Variants in TAPBPL observed in about 807,000 individuals in gnomAD.
The protein encoded by TAPBPL is TAP binding protein like.
Under a neutral mutation model 44.8 loss-of-function variants are expected in TAPBPL, and 32 were observed. That is an observed-to-expected ratio of 0.71 (90% CI 0.54 to 0.96). The LOEUF (loss-of-function observed/expected upper bound fraction) is 0.96. Among genes scored for constraint, TAPBPL ranks in the 40% least tolerant of loss-of-function variants. The pLI is 0.00. For missense variants in TAPBPL, 520 were observed against 586.6 expected, an observed-to-expected ratio of 0.89 and a Z score of 1.17; for synonymous variants, 230 against 240.7, an observed-to-expected ratio of 0.96 and a Z score of 0.41.
chr12:6,452,160 G>A lies in TAPBPL; in HGVS notation c.-89G>A. The A allele has an allele frequency of 2.0e-6, 3 of 1,478,678 alleles. No homozygotes were observed. Among genetic ancestry groups the A allele is most frequent in the Non-Finnish European group, 2.8e-6 (3 of 1,082,596 alleles). The allele number at this position is 1,478,678 out of a possible 1,614,324, so 91.6% of individuals were successfully genotyped here. ...GGCTGCAGGCTGCCAGGTGTGCTTG[G>A]AGAGCCCCCTTCTTCCGCCGGGCCT... is the stretch of plus-strand genomic sequence containing the variant. On this transcript the variant is annotated 5_prime_UTR_variant, in exon 1 of 7. Coordinates refer to ENST00000266556, the MANE Select transcript of TAPBPL (RefSeq NM_018009.5).
intron 6 of TAPBPL, 119 bp downstream of exon 6, chr12:6,461,057 A>G: frequency 1.3e-6 from 2 of 1,522,342 alleles, no homozygotes; most frequent in South Asian, 1.2e-5. Flanking sequence ...CACCCATCAC[A>G]GCCTCCTGCT....
At chr12:6,452,407 G>A (rs1413991201) in intron 1 of TAPBPL, 95 bp downstream of exon 1, 28 of 1,490,138 alleles carry the variant, frequency 1.9e-5, no homozygotes, top group Admixed American at 2.3e-5. Flanking sequence ...CAAAGGGGCC[G>A]GGGATGACCC....
downstream of TAPBPL, chr12:6,470,665 G>A (rs1252732289): frequency 1.7e-6 from 2 of 1,187,490 alleles, no homozygotes; most frequent in South Asian, 2.6e-5. Context: ...GTCTAGCTGC[G>A]CTGGAACTTA....
Position 6,462,245 on chromosome 12 carries a change from T to G in TAPBPL, c.*96T>G. The G allele has an allele frequency of 9.3e-7, 1 of 1,079,074 alleles. No individual in the cohort carries two copies. Among genetic ancestry groups the G allele is most frequent in the Non-Finnish European group, 1.3e-6 (1 of 755,320 alleles). 66.8% of individuals were successfully genotyped at this position (1,079,074 alleles called of 1,614,324 possible). ...AACAACAACCAAGCCAGTTTAATGGTAGGAATTTGTATTTTTTGCCTTTGT... is the reference window on the plus strand; with the variant it reads ...AACAACAACCAAGCCAGTTTAATGGGAGGAATTTGTATTTTTTGCCTTTGT... On this transcript the variant is annotated 3_prime_UTR_variant, in exon 7 of 7. Coordinates refer to ENST00000266556, the MANE Select transcript of TAPBPL (RefSeq NM_018009.5).
chr12:6,468,657 A>G (rs889601234), downstream of TAPBPL, among the ~76,000 whole-genome samples: 1 of 152,216 alleles, frequency 6.6e-6, no homozygotes, highest in Non-Finnish European at 1.5e-5. Context: ...GGTTTACTGT[A>G]CTATACACAC....
chr12:6,469,938 A>T (rs1170554778), downstream of TAPBPL, among the ~76,000 whole-genome samples: 1 of 152,204 alleles, frequency 6.6e-6, no homozygotes, highest in South Asian at 2.1e-4. Context: ...GCTTGGGATG[A>T]CAGGCCACTA....
At chr12:6,455,526 T>TAA (rs1445455113) in intron 3 of TAPBPL, among the ~76,000 whole-genome samples, 1 of 152,172 alleles carries the variant, frequency 6.6e-6, no homozygotes, top group Admixed American at 6.5e-5. Context: ...TTATCAGTGA[T>TAA]AAAATACTCC....
downstream of TAPBPL, chr12:6,470,561 C>T (rs1945747751): frequency 1.9e-6 from 3 of 1,613,882 alleles, no homozygotes; most frequent in South Asian, 3.3e-5. Context: ...AGGGTCTGTT[C>T]CTCTCCGGAG....
chr12:6,460,373 C>CTT (rs1949820228), intron 5 of TAPBPL, among the ~76,000 whole-genome samples: 1 of 152,176 alleles, frequency 6.6e-6, no homozygotes, highest in Non-Finnish European at 1.5e-5. Flanking sequence ...TCAAGTGATT[C>CTT]TCCCACCTCA....
chr12:6,463,294 G>C (rs184765010), downstream of TAPBPL: 3 of 1,264,162 alleles, frequency 2.4e-6, 1 homozygote, highest in Admixed American at 1.1e-4. The surrounding 1 kb of genome is among the most constrained non-coding windows in gnomAD (Gnocchi z 4.0). Context: ...CAATACACAA[G>C]CACACCTGAC....
downstream of TAPBPL, among the ~76,000 whole-genome samples, chr12:6,469,358 G>C (rs1945710648): frequency 6.6e-6 from 1 of 152,156 alleles, no homozygotes; most frequent in Admixed American, 6.5e-5. Flanking sequence ...TAGCCACCAC[G>C]ATTTTTCTGT....
downstream of TAPBPL, chr12:6,466,222 T>C (rs1950020458): frequency 1.2e-6 from 2 of 1,614,176 alleles, no homozygotes; most frequent in Non-Finnish European, 1.7e-6. Flanking sequence ...GCTATCTACC[T>C]ACCTCCTCCA....
At chr12:6,454,209 C>T (rs997899285) in intron 3 of TAPBPL, among the ~76,000 whole-genome samples, 1 of 152,082 alleles carries the variant, frequency 6.6e-6, no homozygotes, top group Non-Finnish European at 1.5e-5. Context: ...AGGCCCATGC[C>T]TGTAATCCCA....
chr12:6,460,832 G>A lies in TAPBPL; in HGVS notation c.1208-23G>A, dbSNP rs74056952. On this transcript the variant is annotated intron_variant, in intron 5 of 6. Coordinates refer to ENST00000266556, the MANE Select transcript of TAPBPL (RefSeq NM_018009.5). ...ATGATTCCTGCGCACGATGATCCCC[G>A]CCCACGTTGCTCTCACCTACAGAGC... is the stretch of plus-strand genomic sequence containing the variant. 4.7e-3 allele frequency: 7,575 copies of A among 1,612,896 alleles called. 230 individuals carry two copies. The African/African-American group carries it at 0.065, about 14-fold the overall frequency.
At chr12:6,462,996 A>G (rs1471376511), downstream of TAPBPL, 1 of 1,550,418 alleles carries the variant, frequency 6.4e-7, no homozygotes, top group Non-Finnish European at 8.7e-7. Context: ...GGAAGAAGGA[A>G]TAAAGGGCCA....
At position 6,457,557 on chromosome 12, in the gene TAPBPL, C is replaced by T; in HGVS notation, c.717C>T (p.Tyr239=). The T allele has an allele frequency of 1.2e-6, 2 of 1,614,220 alleles. No homozygotes were observed. The highest frequency in any genetic ancestry group is 2.2e-5 in the South Asian group (2 of 91,082). Residue 239 remains tyrosine (Y), a synonymous_variant, in exon 4 of 7, where the codon TAC becomes TAT. Transcript: ENST00000266556. ...ACAAGGGCAGGGGTCAGTTGGTGTA[C>T]AGCTGGACCGCAGGGCAGGGGCAGG... is the stretch of plus-strand genomic sequence containing the variant. ...LQHKGRGQLV[Y]SWTAGQGQAV...
chr12:6,460,264 GTTTTA>G (rs1949814223), intron 5 of TAPBPL, among the ~76,000 whole-genome samples: 1 of 151,612 alleles, frequency 6.6e-6, no homozygotes, highest in African/African-American at 2.4e-5. Flanking sequence ...GTTTTGCTTT[GTTTTA>G]TTTTGTTTTG....
chr12:6,458,766 A>T lies in TAPBPL; in HGVS notation c.1026A>T (p.Gly342=). Residue 342 remains glycine, a synonymous_variant, in exon 5 of 7, where the codon GGA becomes GGT. Coordinates refer to ENST00000266556, the MANE Select transcript of TAPBPL (RefSeq NM_018009.5). ...CGTGGACCCGAGAGGAGCTGGGTGG[A>T]TCCCCAGCCCAAGTCTCTGGTGCCT... The part of the protein sequence containing the change: ...VVTWTREELG[G]SPAQVSGASF... The T allele has an allele frequency of 3.1e-6, 5 of 1,614,086 alleles. No individual in the cohort carries two copies. Among genetic ancestry groups the T allele is most frequent in the African/African-American group, 1.3e-5 (1 of 75,008 alleles).
At chr12:6,463,624 T>C, downstream of TAPBPL, 2 of 1,084,082 alleles carry the variant, frequency 1.8e-6, no homozygotes, top group Non-Finnish European at 2.3e-6. This position sits in a 1 kb window ranked among gnomAD's most constrained non-coding sequence, Gnocchi z 4.0. Flanking sequence ...TCTCTCTCTT[T>C]ATGCCAACAA....
Sources: gnomAD v4.1 joint callset for allele counts (sites outside exome capture counted in the v4.1 genomes callset) on GRCh38, gnomAD v4.1.1 for gene constraint, Gnocchi (gnomAD v3.1) non-coding constraint, MANE v1.5 for transcripts, NCBI Gene and HGNC (gene_info 2026-07-23, HGNC 2026-07-21) for gene names.